PALS1: variants seen among roughly 807,000 people sequenced by gnomAD.
PALS1 encodes the protein protein associated with LIN7 1, MAGUK p55 family member.
A neutral mutation model predicts 78.9 loss-of-function variants in PALS1; 31 were observed. That is an observed-to-expected ratio of 0.39 (90% confidence interval 0.30 to 0.53). The LOEUF (loss-of-function observed/expected upper bound fraction) is 0.53. Among genes scored for constraint, PALS1 ranks in the 20% least tolerant of loss-of-function variants. The probability of loss-of-function intolerance (pLI) is 0.67; values close to 1 mark genes in which losing one functional copy is unlikely to be tolerated. For synonymous variants in PALS1, 276 were observed against 270.9 expected, an observed-to-expected ratio of 1.02 and a Z score of -0.18; for missense variants, 704 against 826.5, an observed-to-expected ratio of 0.85 and a Z score of 1.82.
intron 2 of PALS1, among the ~76,000 whole-genome samples, chr14:67,275,571 C>T (rs995394422): frequency 6.6e-6 from 1 of 152,126 alleles, no homozygotes; most frequent in Non-Finnish European, 1.5e-5. Context: ...GGCTTTTGGT[C>T]TAAAATTCTC....
At chr14:67,261,496 A>G (rs2084236392) in intron 1 of PALS1, among the ~76,000 whole-genome samples, 1 of 152,202 alleles carries the variant, frequency 6.6e-6, no homozygotes, top group Non-Finnish European at 1.5e-5. Context: ...GAGGATAGCT[A>G]ATTTGTATAA....
chr14:67,273,967 T>C (rs2084456873), intron 2 of PALS1, among the ~76,000 whole-genome samples: 1 of 152,112 alleles, frequency 6.6e-6, no homozygotes, highest in South Asian at 2.1e-4. Flanking sequence ...TTTGATGGGG[T>C]TGTTTGATTT....
chr14:67,325,500 T>C (rs2085338742), intron 14 of PALS1, among the ~76,000 whole-genome samples: 1 of 152,146 alleles, frequency 6.6e-6, no homozygotes. Flanking sequence ...CTTGGGATGA[T>C]ACAAAGGAAA....
At chr14:67,259,276 C>T (rs1341856318) in intron 1 of PALS1, among the ~76,000 whole-genome samples, 1 of 151,644 alleles carries the variant, frequency 6.6e-6, no homozygotes, top group African/African-American at 2.4e-5. Flanking sequence ...TTACTTTAGC[C>T]CAAAGTGAAT....
Position 67,325,173 on chromosome 14 carries a change from G to A in PALS1, c.1851+1361G>A, listed in dbSNP as rs1349525321. Reference sequence around the variant, plus strand: ...ACCCGCCTTGGCCTCCCAAAGTGCTGGGATTACAGGCGTGAGCCACCAGGC... The same window carrying A: ...ACCCGCCTTGGCCTCCCAAAGTGCTAGGATTACAGGCGTGAGCCACCAGGC... On this transcript the variant is annotated intron_variant, in intron 14 of 14. Transcript: ENST00000261681. 2.0e-5 allele frequency among the ~76,000 whole-genome samples: 3 copies of A among 152,006 alleles called. No individual in the cohort carries two copies. The East Asian group carries it at 5.8e-4, about 29-fold the overall frequency.
intron 2 of PALS1, among the ~76,000 whole-genome samples, chr14:67,273,365 A>C (rs540182398): frequency 2.0e-5 from 3 of 151,770 alleles, no homozygotes; most frequent in Admixed American, 6.6e-5. Context: ...GAGTGAGAAC[A>C]TGCAGTGTTT....
At chr14:67,244,944 A>C (rs2083966150) in intron 1 of PALS1, among the ~76,000 whole-genome samples, 1 of 152,186 alleles carries the variant, frequency 6.6e-6, no homozygotes, top group African/African-American at 2.4e-5. Flanking sequence ...GGAAAGAGAG[A>C]GGCAGAAGAG....
intron 3 of PALS1, among the ~76,000 whole-genome samples, chr14:67,286,635 C>G (rs1027166045): frequency 8.6e-5 from 13 of 151,304 alleles, no homozygotes; most frequent in African/African-American, 2.9e-4. Context: ...GTGGGTGGAT[C>G]GCTTGAGCTC....
chr14:67,287,829 G>A (rs886066184), intron 3 of PALS1, among the ~76,000 whole-genome samples: 9 of 152,192 alleles, frequency 5.9e-5, no homozygotes, highest in African/African-American at 1.7e-4. Context: ...GTTAACAGCC[G>A]AAAGGTAGAA....
intron 2 of PALS1, among the ~76,000 whole-genome samples, chr14:67,274,212 A>T (rs550308235): frequency 9.4e-4 from 143 of 152,186 alleles, no homozygotes; most frequent in Non-Finnish European, 1.4e-3. Context: ...CTATGTCCTG[A>T]ATGGTATTGC....
At chr14:67,314,840 C>T (rs1458453238) in intron 9 of PALS1, among the ~76,000 whole-genome samples, 2 of 152,178 alleles carry the variant, frequency 1.3e-5, no homozygotes, top group African/African-American at 4.8e-5. Flanking sequence ...CCTGTAATCC[C>T]AGCACTTTGG....
intron 4 of PALS1, among the ~76,000 whole-genome samples, chr14:67,300,977 C>G (rs1001609834): frequency 6.6e-6 from 1 of 152,100 alleles, no homozygotes; most frequent in African/African-American, 2.4e-5. Context: ...CAGGTGTGAG[C>G]CACTGCACCC....
At chr14:67,273,905 C>G (rs969647168) in intron 2 of PALS1, among the ~76,000 whole-genome samples, 5 of 152,190 alleles carry the variant, frequency 3.3e-5, no homozygotes, top group Non-Finnish European at 7.3e-5. Context: ...TGTCTGTTGG[C>G]TGCATGAATG....
At chr14:67,307,324 A>C (rs1227979375) in intron 8 of PALS1, among the ~76,000 whole-genome samples, 1 of 152,202 alleles carries the variant, frequency 6.6e-6, no homozygotes, top group Non-Finnish European at 1.5e-5. Flanking sequence ...ATATGTAGGG[A>C]GGGCATAATA....
At chr14:67,307,318 G>C (rs1301323935) in intron 8 of PALS1, among the ~76,000 whole-genome samples, 3 of 152,154 alleles carry the variant, frequency 2.0e-5, no homozygotes, top group Non-Finnish European at 4.4e-5. Context: ...ATAATAATAT[G>C]TAGGGAGGGC....
In PALS1 at chr14:67,273,472, A is replaced by G. The variant is rs544574731; in HGVS notation, c.-154+3689A>G. Among the ~76,000 whole-genome samples, 3 of 152,254 alleles carry G rather than the reference A, an allele frequency of 2.0e-5. No homozygotes were observed. In the South Asian group the frequency reaches 6.2e-4, roughly 32 times the overall value. ...TGAACTCATCCTTTTTTATGGCTGC[A>G]TAGTATTCCATGGTGTATGTGTGCC... On this transcript the variant is annotated intron_variant, in intron 2 of 14. Coordinates refer to ENST00000261681, the MANE Select transcript of PALS1 (RefSeq NM_022474.4).
At chr14:67,254,301 G>T (rs2084112748) in intron 1 of PALS1, 1 of 150,352 alleles carries the variant, frequency 6.7e-6, no homozygotes, top group African/African-American at 2.4e-5. Flanking sequence ...TCGCCTTGTT[G>T]AATGAAAAGG....
intron 11 of PALS1, among the ~76,000 whole-genome samples, chr14:67,319,057 C>CA (rs367594842): frequency 0.21 from 24,213 of 113,702 alleles, 3,552 homozygotes; most frequent in East Asian, 0.46. Context: ...GACTCCGTCT[C>CA]AAAAAAAAAA....
At chr14:67,244,981 A>G (rs1289638097) in intron 1 of PALS1, among the ~76,000 whole-genome samples, 3 of 152,188 alleles carry the variant, frequency 2.0e-5, no homozygotes, top group African/African-American at 7.2e-5. Context: ...AGATGTAACA[A>G]TTGGTCAGAG....
Sources: allele counts gnomAD v4.1 joint callset (sites outside exome capture counted in the v4.1 genomes callset), GRCh38; gene constraint gnomAD v4.1.1; transcripts MANE v1.5; gene names NCBI Gene and HGNC (gene_info 2026-07-23, HGNC 2026-07-21).